Variants in RIPOR2 observed in about 807,000 individuals in gnomAD.
RIPOR2 encodes the protein rho family-interacting cell polarization regulator 2.
In RIPOR2, 39 loss-of-function variants were observed where a neutral mutation model predicts 114.5. That is an observed-to-expected ratio of 0.34 (90% CI 0.26 to 0.44). The LOEUF (loss-of-function observed/expected upper bound fraction) is 0.44, where lower values mean the gene tolerates loss of function less well. Among genes scored for constraint, RIPOR2 ranks in the 20% least tolerant of loss-of-function variants. The probability of loss-of-function intolerance (pLI) is 1.00; values close to 1 mark genes in which losing one functional copy is unlikely to be tolerated. For missense variants in RIPOR2, 1,007 were observed against 1,255.1 expected (o/e 0.80, Z 2.99); for synonymous variants, 445 against 484.4 (o/e 0.92, Z 1.07).
At chr6:24,870,476 G>C (rs939072853) in intron 5 of RIPOR2, among the ~76,000 whole-genome samples, 1 of 152,078 alleles carries the variant, frequency 6.6e-6, no homozygotes, top group African/African-American at 2.4e-5. Flanking sequence ...TCTCTAAGAG[G>C]GTCTCCCATT....
chr6:24,933,273 G>A (rs914652102), intron 1 of RIPOR2, among the ~76,000 whole-genome samples: 1 of 152,162 alleles, frequency 6.6e-6, no homozygotes, highest in African/African-American at 2.4e-5. Flanking sequence ...TATTCTAAAA[G>A]CTTTCCCTAT....
At chr6:24,809,148 A>G (rs1780969097) in intron 21 of RIPOR2, among the ~76,000 whole-genome samples, 1 of 152,196 alleles carries the variant, frequency 6.6e-6, no homozygotes, top group South Asian at 2.1e-4. Flanking sequence ...CCTGCTAGGC[A>G]TGAACCTTCA....
At chr6:24,844,736 C>G (rs948179939) in intron 12 of RIPOR2, among the ~76,000 whole-genome samples, 1 of 152,136 alleles carries the variant, frequency 6.6e-6, no homozygotes, top group South Asian at 2.1e-4. Flanking sequence ...CTCAGCCTCC[C>G]AAAGTGCTGG....
At position 24,964,698 on chromosome 6, in the gene RIPOR2, T is replaced by C. The variant is rs549421467; in HGVS notation, c.76+77153A>G. Among the ~76,000 whole-genome samples the C allele has an allele frequency of 7.2e-5, 11 of 152,364 alleles. No homozygotes were observed. The South Asian group carries it at 2.3e-3, about 32-fold the overall frequency. ...ATATGGTAAGTGAATGCTTACTTTT[T>C]TGAGGAAATGCCAAACTAATTTCCC... On this transcript the variant is annotated intron_variant, in intron 1 of 13. Coordinates refer to the RIPOR2 transcript ENST00000510784.
intron 1 of RIPOR2, among the ~76,000 whole-genome samples, chr6:24,996,659 C>T (rs1189015179): frequency 1.3e-5 from 2 of 152,220 alleles, no homozygotes; most frequent in Non-Finnish European, 2.9e-5. Context: ...TGTTTACTTT[C>T]AACACCCAGG....
chr6:24,859,801 C>A (rs557893454), intron 8 of RIPOR2, among the ~76,000 whole-genome samples: 21 of 151,496 alleles, frequency 1.4e-4, no homozygotes, highest in Non-Finnish European at 2.7e-4. Flanking sequence ...CGAGCCCTTT[C>A]AAAAAAAAGT....
chr6:24,874,853 A>T (rs1765562538), intron 2 of RIPOR2, among the ~76,000 whole-genome samples: 1 of 152,232 alleles, frequency 6.6e-6, no homozygotes, highest in Non-Finnish European at 1.5e-5. Context: ...ATTTTTAGGA[A>T]GCAAATTACT....
chr6:24,984,212 G>C (rs2113594418), intron 1 of RIPOR2, among the ~76,000 whole-genome samples: 1 of 152,344 alleles, frequency 6.6e-6, no homozygotes, highest in African/African-American at 2.4e-5. Flanking sequence ...CCACCAAACA[G>C]GCTTTGTGTG....
At chr6:24,889,046 A>G (rs1273443343) in intron 1 of RIPOR2, among the ~76,000 whole-genome samples, 1 of 152,234 alleles carries the variant, frequency 6.6e-6, no homozygotes, top group Non-Finnish European at 1.5e-5. Flanking sequence ...TTTAAAAAGC[A>G]GCACTTTAAA....
intron 1 of RIPOR2, among the ~76,000 whole-genome samples, chr6:24,983,772 A>AAAAAAAC: frequency 6.6e-6 from 1 of 151,042 alleles, no homozygotes; most frequent in Non-Finnish European, 1.5e-5. Flanking sequence ...AAAAAAAAAA[A>AAAAAAAC]AAAAAAAAAG....
chr6:24,856,362 T>A (rs1562271120), intron 8 of RIPOR2, among the ~76,000 whole-genome samples: 1 of 152,062 alleles, frequency 6.6e-6, no homozygotes, highest in East Asian at 1.9e-4. Context: ...AGTTAGTCTT[T>A]AAAAAAAATA....
At chr6:25,040,102 C>A (rs1318933162) in intron 1 of RIPOR2, among the ~76,000 whole-genome samples, 2 of 150,582 alleles carry the variant, frequency 1.3e-5, no homozygotes, top group African/African-American at 4.9e-5. Flanking sequence ...ATAAAGAACA[C>A]TGTGTGATAG....
intron 1 of RIPOR2, among the ~76,000 whole-genome samples, chr6:24,927,140 C>CCAG (rs1561782411): frequency 0.07 from 3,335 of 47,498 alleles, 1,540 homozygotes; most frequent in East Asian, 0.098. Context: ...CTCACTACCA[C>CCAG]CACCACCACC....
chr6:24,888,887 T>C (rs1482648161), intron 1 of RIPOR2, among the ~76,000 whole-genome samples: 1 of 152,190 alleles, frequency 6.6e-6, no homozygotes, highest in East Asian at 1.9e-4. Context: ...TACTCAAATA[T>C]GGTAATGTTC....
upstream of RIPOR2, among the ~76,000 whole-genome samples, chr6:24,937,353 G>C (rs1581840624): frequency 6.6e-6 from 1 of 152,118 alleles, no homozygotes; most frequent in Admixed American, 6.5e-5. Context: ...ATAATGCATG[G>C]AACAGTAGCT....
At chr6:24,957,154 T>C (rs1455617177) in intron 1 of RIPOR2, among the ~76,000 whole-genome samples, 1 of 152,220 alleles carries the variant, frequency 6.6e-6, no homozygotes, top group Non-Finnish European at 1.5e-5. Flanking sequence ...TTAAGTAGCA[T>C]TTATAAAGGA....
At chr6:24,968,705 AGCCTACACTT>A (rs1773644148) in intron 1 of RIPOR2, among the ~76,000 whole-genome samples, 1 of 152,168 alleles carries the variant, frequency 6.6e-6, no homozygotes, top group Admixed American at 6.5e-5. Flanking sequence ...GCACATGCCA[AGCCTACACTT>A]GCAGGACCCT....
chr6:24,954,655 T>C (rs631693), intron 1 of RIPOR2, among the ~76,000 whole-genome samples: 140,534 of 151,874 alleles, frequency 0.93, 65,451 homozygotes, highest in East Asian at 0.99. Flanking sequence ...ACTATATTGC[T>C]CAGGCTGGTC....
chr6:25,028,220 C>T (rs1043693655), intron 1 of RIPOR2, among the ~76,000 whole-genome samples: 5 of 152,204 alleles, frequency 3.3e-5, no homozygotes, highest in Non-Finnish European at 5.9e-5. Flanking sequence ...CCTCAGACAT[C>T]GCCAGCCCTT....
Sources: gnomAD v4.1 joint callset for allele counts (sites outside exome capture counted in the v4.1 genomes callset) on GRCh38, gnomAD v4.1.1 for gene constraint, MANE v1.5 for transcripts, NCBI Gene and HGNC (gene_info 2026-07-23, HGNC 2026-07-21) for gene names.